The following SARDH variants were observed in gnomAD, a reference collection of about 807,000 sequenced individuals.
SARDH encodes the protein sarcosine dehydrogenase.
A neutral mutation model predicts 109.1 loss-of-function variants in SARDH; 95 were observed. The observed-to-expected ratio is 0.87, with a 90% CI of 0.74 to 1.03. The LOEUF is 1.03. SARDH is among the 50% of genes least tolerant of loss of function. SARDH has a pLI of 0.00. For synonymous variants in SARDH, 572 were observed against 534.8 expected (o/e 1.07, Z -0.96); for missense variants, 1,267 against 1,287.8 (o/e 0.98, Z 0.25).
chr9:133,730,200 G>C lies in SARDH; in HGVS notation c.691-13C>G, dbSNP rs1347533821. 6.2e-7 allele frequency: 1 copy of C among 1,613,874 alleles called. No homozygotes were observed. Among genetic ancestry groups the C allele is most frequent in the Non-Finnish European group, 8.5e-7 (1 of 1,179,974 alleles). ...AGTTCTCAATGACCTGGAATTGAGA[G>C]GAACTGCTTCTAAAATCCCACGGGA... On this transcript the variant is annotated splice_polypyrimidine_tract_variant and intron_variant, in intron 4 of 20. Transcript: ENST00000439388.
At chr9:133,690,319 T>C (rs951140651) in intron 16 of SARDH, 61 bp downstream of exon 16, 36 of 1,575,824 alleles carry the variant, frequency 2.3e-5, no homozygotes, top group African/African-American at 5.4e-5. Flanking sequence ...CAAGGGCCTG[T>C]TGGAGGACCT....
rs375793962 is a variant in SARDH at position 133,708,320 on chromosome 9, G to A, written c.1437C>T (p.Ala479=). The change falls in exon 11 of 21, where the codon GCC becomes GCT. Residue 479 remains alanine (A), a synonymous_variant. Coordinates refer to ENST00000439388, the MANE Select transcript of SARDH (RefSeq NM_001134707.2). ...GCGGGTCTCTCCTCATGTTGCGCCCGGCCAGCGGCTCATCGTGGGGGAAGA... is the reference window on the plus strand; with the variant it reads ...GCGGGTCTCTCCTCATGTTGCGCCCAGCCAGCGGCTCATCGTGGGGGAAGA... The part of the protein sequence containing the change: ...SVVFPHDEPL[A]GRNMRRDPLH... The A allele has an allele frequency of 8.7e-5, 141 of 1,613,288 alleles. No homozygotes were observed. The highest frequency in any genetic ancestry group is 1.3e-4 in the African/African-American group (10 of 75,034).
At position 133,689,497 on chromosome 9, in the gene SARDH, G is replaced by A. The variant is rs568604323; in HGVS notation, c.2069+883C>T. On this transcript the variant is annotated intron_variant, in intron 16 of 20. Transcript: ENST00000439388. ...CTCTTGAAAAAGGGTGGCGGTGAGC[G>A]TGTGCAGGCTTCTGAGCACAAGGGG... is the stretch of plus-strand genomic sequence containing the variant. 1.1e-4 allele frequency among the ~76,000 whole-genome samples: 16 copies of A among 152,306 alleles called. No individual in the cohort carries two copies. The South Asian group carries it at 2.3e-3, about 22-fold the overall frequency.
chr9:133,708,206 T>C lies in SARDH; in HGVS notation c.1470+81A>G, dbSNP rs552904457. The C allele has an allele frequency of 4.0e-6, 6 of 1,502,578 alleles. No homozygotes were observed. In the Admixed American group the frequency reaches 1.0e-4, roughly 25 times the overall value. The allele number at this position is 1,502,578 out of a possible 1,614,324, so 93.1% of individuals were successfully genotyped here. A position where few individuals can be genotyped will look rare whatever the true frequency, so the allele number is the denominator to read the frequency against. Reference sequence around the variant, plus strand: ...ACCTGACCTGCGGTTGGGGTACACCTTGCATTTCTGTCACTCCGCTGCCCT... The same window carrying C: ...ACCTGACCTGCGGTTGGGGTACACCCTGCATTTCTGTCACTCCGCTGCCCT... On this transcript the variant is annotated intron_variant, in intron 11 of 20. Transcript: ENST00000439388.
chr9:133,659,703 A>C (rs1418694220), downstream of SARDH, among the ~76,000 whole-genome samples: 1 of 152,154 alleles, frequency 6.6e-6, no homozygotes, highest in Non-Finnish European at 1.5e-5. Context: ...CGAGCCCAGG[A>C]GCTCTGCCTC....
intron 18 of SARDH, 144 bp from the exon 19 acceptor site, chr9:133,670,896 G>A: frequency 8.1e-7 from 1 of 1,236,088 alleles, no homozygotes; most frequent in Non-Finnish European, 1.1e-6. Flanking sequence ...CAGGAGGCAG[G>A]GGCATCCCCA....
At chr9:133,739,107 A>G (rs1325224643), upstream of SARDH, among the ~76,000 whole-genome samples, 3 of 152,182 alleles carry the variant, frequency 2.0e-5, no homozygotes, top group East Asian at 1.9e-4. Context: ...AGACAGAAGT[A>G]GACACCCAGA....
intron 17 of SARDH, among the ~76,000 whole-genome samples, chr9:133,684,856 C>T (rs1011091431): frequency 2.6e-5 from 4 of 152,320 alleles, no homozygotes; most frequent in Middle Eastern, 3.4e-3. Context: ...CACTTGGCCT[C>T]GGGAGGGCTG....
At chr9:133,708,844 T>C (rs561188322) in intron 10 of SARDH, among the ~76,000 whole-genome samples, 9 of 152,094 alleles carry the variant, frequency 5.9e-5, no homozygotes, top group Non-Finnish European at 1.0e-4. Context: ...GGAGGGTCCA[T>C]GTGAAGGGTC....
chr9:133,668,037 A>T (rs1267888179), intron 19 of SARDH, among the ~76,000 whole-genome samples: 1 of 151,982 alleles, frequency 6.6e-6, no homozygotes, highest in Admixed American at 6.5e-5. Flanking sequence ...ACTGGGTCAC[A>T]GGGGCCGTCC....
At chr9:133,735,777 C>T (rs1194581065) in intron 1 of SARDH, among the ~76,000 whole-genome samples, 2 of 152,368 alleles carry the variant, frequency 1.3e-5, no homozygotes, top group South Asian at 2.1e-4. Context: ...GGCTCTGTGG[C>T]TCATGCCTGT....
At chr9:133,671,163 C>G (rs1407730414) in intron 18 of SARDH, among the ~76,000 whole-genome samples, 1 of 152,116 alleles carries the variant, frequency 6.6e-6, no homozygotes, top group East Asian at 1.9e-4. Context: ...TTCCAGAGGC[C>G]ACAGCACCTG....
intron 17 of SARDH, among the ~76,000 whole-genome samples, chr9:133,678,137 CA>C (rs1430443044): frequency 6.6e-6 from 1 of 152,168 alleles, no homozygotes; most frequent in Non-Finnish European, 1.5e-5. Flanking sequence ...ACTTAGGTGG[CA>C]AGTGTCGGTC....
intron 20 of SARDH, among the ~76,000 whole-genome samples, chr9:133,665,156 C>T (rs1291336597): frequency 2.0e-5 from 3 of 152,188 alleles, no homozygotes; most frequent in South Asian, 2.1e-4. Context: ...GTGCACCGGC[C>T]GCTCTGGGTG....
intron 8 of SARDH, among the ~76,000 whole-genome samples, chr9:133,715,074 G>C (rs568541270): frequency 1.3e-5 from 2 of 152,208 alleles, no homozygotes; most frequent in South Asian, 4.2e-4. Context: ...ACCTTGGTGA[G>C]CTCCACCATC....
At position 133,682,693 on chromosome 9, in the gene SARDH, C is replaced by T. The variant is rs1830737633; in HGVS notation, c.2163+2500G>A. Reference sequence around the variant, plus strand: ...GCTAGAAGCGAGGTCTGCACTCAGCCCCTGTGCTGAAACCCATGCGCAGTG... The same window carrying T: ...GCTAGAAGCGAGGTCTGCACTCAGCTCCTGTGCTGAAACCCATGCGCAGTG... On this transcript the variant is annotated intron_variant, in intron 17 of 20. Coordinates refer to ENST00000439388, the MANE Select transcript of SARDH (RefSeq NM_001134707.2). Among the ~76,000 whole-genome samples the T allele has an allele frequency of 3.6e-5, 5 of 139,684 alleles. No individual in the cohort carries two copies. The South Asian group carries it at 1.2e-3, about 33-fold the overall frequency. 91.6% of individuals were successfully genotyped at this position (139,684 alleles called of 152,430 possible).
rs944091052 is a variant in SARDH at position 133,702,931 on chromosome 9, C to T, written c.1653G>A (p.Pro551=). The T allele has an allele frequency of 1.1e-5, 18 of 1,612,064 alleles. No homozygotes were observed. Among genetic ancestry groups the T allele is most frequent in the East Asian group, 6.7e-5 (3 of 44,846 alleles). Residue 551 remains proline (P), a synonymous_variant, in exon 13 of 21, where the codon CCG becomes CCA. Transcript: ENST00000439388. The part of the protein sequence containing the change: ...LLADEYTFAF[P]PHHDTIKKEC... ...AGCTACGCACCGTGTCGTGGTGGGGCGGGAAGGCGAAGGTGTACTCGTCTG... is the reference window on the plus strand; with the variant it reads ...AGCTACGCACCGTGTCGTGGTGGGGTGGGAAGGCGAAGGTGTACTCGTCTG...
intron 17 of SARDH, among the ~76,000 whole-genome samples, chr9:133,677,589 A>G (rs1427654059): frequency 1.3e-5 from 2 of 152,202 alleles, no homozygotes. Context: ...AGTCCCCTGG[A>G]GTGACATGTC....
chr9:133,734,481 T>C lies in SARDH; in HGVS notation c.-30-278A>G, dbSNP rs116652346. On this transcript the variant is annotated intron_variant, in intron 1 of 20. Coordinates refer to ENST00000439388, the MANE Select transcript of SARDH (RefSeq NM_001134707.2). ...TTCACTCATTCATTCATTCATTCAT[T>C]CTGTGTGTATGTATTAAGGGCCTGG... 4.0e-3 allele frequency among the ~76,000 whole-genome samples: 603 copies of C among 152,312 alleles called. 2 individuals are homozygous for C. Among genetic ancestry groups the C allele is most frequent in the African/African-American group, 0.014 (579 of 41,558 alleles).
Sources: allele counts gnomAD v4.1 joint callset (sites outside exome capture counted in the v4.1 genomes callset), GRCh38; gene constraint gnomAD v4.1.1; transcripts MANE v1.5; gene names NCBI Gene and HGNC (gene_info 2026-07-23, HGNC 2026-07-21).